Variants in ZBBX observed in about 807,000 individuals in gnomAD.
ZBBX encodes the protein zinc finger B-box domain containing.
Under a neutral mutation model 108.5 loss-of-function variants are expected in ZBBX, and 101 were observed. The observed-to-expected ratio is 0.93, with a 90% CI of 0.79 to 1.10. ZBBX has a LOEUF of 1.10. Ranked by LOEUF, ZBBX falls within the 50% of genes least tolerant of loss-of-function variation. The pLI, the probability that ZBBX is intolerant of heterozygous loss-of-function variation, is 0.00. For synonymous variants in ZBBX, 356 were observed against 323.4 expected (o/e 1.10, Z -1.08); for missense variants, 1,009 against 941.4 (o/e 1.07, Z -0.94).
chr3:167,282,892 G>GA (rs760238297), intron 19 of ZBBX, among the ~76,000 whole-genome samples: 17 of 151,872 alleles, frequency 1.1e-4, no homozygotes, highest in Non-Finnish European at 2.1e-4. Context: ...TACCTTGTAA[G>GA]AAAAAAAACC....
At chr3:167,259,318 T>C (rs1177861003) in intron 20 of ZBBX, among the ~76,000 whole-genome samples, 1 of 152,202 alleles carries the variant, frequency 6.6e-6, no homozygotes, top group East Asian at 1.9e-4. Context: ...AGTTGTAATA[T>C]CTCCTGTTTC....
intron 18 of ZBBX, among the ~76,000 whole-genome samples, chr3:167,293,303 A>G (rs956946242): frequency 7.2e-5 from 11 of 152,170 alleles, no homozygotes; most frequent in Admixed American, 5.2e-4. Flanking sequence ...AATCCTCAAT[A>G]ATACTGGCAA....
rs115479468 is a variant in ZBBX at position 167,266,881 on chromosome 3, C to T, written c.2254+15357G>A. On this transcript the variant is annotated intron_variant, in intron 20 of 21. Transcript: ENST00000675490. ...TCCGGTCCTTTCCCGTGAGAAGGCACGCCCCGCCACCTCATTGCAGTGGCT... is the reference window on the plus strand; with the variant it reads ...TCCGGTCCTTTCCCGTGAGAAGGCATGCCCCGCCACCTCATTGCAGTGGCT... Among the ~76,000 whole-genome samples, 1,393 of 152,214 alleles carry T rather than the reference C, an allele frequency of 9.2e-3. 30 individuals are homozygous for T. Among genetic ancestry groups the T allele is most frequent in the African/African-American group, 0.032 (1,311 of 41,522 alleles).
At chr3:167,272,268 A>G (rs1029507637) in intron 20 of ZBBX, among the ~76,000 whole-genome samples, 24 of 152,296 alleles carry the variant, frequency 1.6e-4, no homozygotes, top group Admixed American at 4.6e-4. Flanking sequence ...CAAAAGATCA[A>G]TTCCTCAGGA....
At chr3:167,383,773 C>T (rs1243465679), upstream of ZBBX, among the ~76,000 whole-genome samples, 1 of 152,060 alleles carries the variant, frequency 6.6e-6, no homozygotes, top group Non-Finnish European at 1.5e-5. Context: ...AACATTTATT[C>T]AACACCTGTT....
chr3:167,194,229 A>AAT, the ZBBX span, among the ~76,000 whole-genome samples: 9,857 of 139,710 alleles, frequency 0.071, 422 homozygotes, highest in Middle Eastern at 0.099. Context: ...ATATGTACTA[A>AAT]ATATATATAT....
At chr3:167,236,502 G>A (rs1720236703), downstream of ZBBX, among the ~76,000 whole-genome samples, 1 of 151,760 alleles carries the variant, frequency 6.6e-6, no homozygotes, top group African/African-American at 2.4e-5. Context: ...TTTGAGCTAA[G>A]GAAAGTCAGT....
chr3:167,194,669 T>C, the ZBBX span, among the ~76,000 whole-genome samples: 1 of 152,172 alleles, frequency 6.6e-6, no homozygotes, highest in South Asian at 2.1e-4. Context: ...ACTTGTTTGG[T>C]TTCCACTGTC....
At chr3:167,236,975 G>C (rs907011272), downstream of ZBBX, among the ~76,000 whole-genome samples, 2 of 151,816 alleles carry the variant, frequency 1.3e-5, no homozygotes, top group Non-Finnish European at 2.9e-5. Flanking sequence ...TGAGACTTAA[G>C]AGATGAGAAA....
intron 15 of ZBBX, 33 bp downstream of exon 15, chr3:167,315,717 A>T: frequency 6.7e-7 from 1 of 1,488,346 alleles, no homozygotes; most frequent in Non-Finnish European, 9.3e-7. Context: ...AGGGGGCTCA[A>T]TATGCACACA....
intron 20 of ZBBX, among the ~76,000 whole-genome samples, chr3:167,273,446 T>C (rs1476797441): frequency 6.6e-6 from 1 of 152,160 alleles, no homozygotes; most frequent in Non-Finnish European, 1.5e-5. Flanking sequence ...CTCTCTGCTA[T>C]ATCCCAAAGT....
At chr3:167,206,782 T>C in the ZBBX span, among the ~76,000 whole-genome samples, 2 of 152,040 alleles carry the variant, frequency 1.3e-5, no homozygotes, top group African/African-American at 4.8e-5. Context: ...TGGCATAAAA[T>C]TAAACACATA....
At position 167,328,111 on chromosome 3, in the gene ZBBX, T is replaced by A; in HGVS notation, c.693A>T (p.Glu231Asp). Reference sequence around the variant, plus strand: ...GTTGTGCTCTTTTCATCGTTGTAATTTCTACCTAATTAAAAGGATACATAG... The same window carrying A: ...GTTGTGCTCTTTTCATCGTTGTAATATCTACCTAATTAAAAGGATACATAG... ...VLLQRSSSEV[E>D]ITTMKRAQRT... is the part of the protein sequence containing the mutation. The change falls in exon 11 of 22, where the codon GAA becomes GAT. Residue 231 changes from glutamate (E) to aspartate (D), a missense_variant. By Grantham distance (45) the Glu-to-Asp change is conservative. Coordinates refer to ENST00000675490, the MANE Select transcript of ZBBX (RefSeq NM_001199201.2). 1 of 1,608,826 alleles carries A rather than the reference T, an allele frequency of 6.2e-7. No homozygotes were observed. Among genetic ancestry groups the A allele is most frequent in the Non-Finnish European group, 8.5e-7 (1 of 1,178,598 alleles).
intron 6 of ZBBX, among the ~76,000 whole-genome samples, chr3:167,365,171 A>G (rs1449807343): frequency 2.0e-5 from 3 of 151,774 alleles, no homozygotes; most frequent in Non-Finnish European, 4.4e-5. Flanking sequence ...CAAAGCCAAA[A>G]ACTTTAGAAG....
intron 8 of ZBBX, among the ~76,000 whole-genome samples, 162 bp downstream of exon 8, chr3:167,359,708 A>G (rs1273376006): frequency 6.6e-6 from 1 of 152,178 alleles, no homozygotes; most frequent in Non-Finnish European, 1.5e-5. Context: ...TGTCCCCAGC[A>G]GCATGCATGC....
chr3:167,350,811 T>C (rs1158324651), intron 8 of ZBBX, among the ~76,000 whole-genome samples: 1 of 152,110 alleles, frequency 6.6e-6, no homozygotes, highest in Non-Finnish European at 1.5e-5. Flanking sequence ...TGCATGGATG[T>C]ATGCATAGTT....
intron 20 of ZBBX, among the ~76,000 whole-genome samples, chr3:167,272,898 T>A (rs551490666): frequency 2.6e-5 from 4 of 152,178 alleles, no homozygotes; most frequent in Non-Finnish European, 4.4e-5. Flanking sequence ...TAAAACCATA[T>A]ATTCGTTTTA....
upstream of ZBBX, among the ~76,000 whole-genome samples, chr3:167,382,479 G>A (rs1288184683): frequency 6.6e-6 from 1 of 152,096 alleles, no homozygotes; most frequent in Non-Finnish European, 1.5e-5. Flanking sequence ...GCTTCTTTGT[G>A]CCACAGTGGA....
intron 1 of ZBBX, chr3:167,399,468 A>C (rs1321385853): frequency 6.6e-6 from 1 of 152,112 alleles, no homozygotes; most frequent in Non-Finnish European, 1.5e-5. Flanking sequence ...AACATAATTA[A>C]AATTAACATA....
Sources: allele counts gnomAD v4.1 joint callset (sites outside exome capture counted in the v4.1 genomes callset), GRCh38; gene constraint gnomAD v4.1.1; transcripts MANE v1.5; gene names NCBI Gene and HGNC (gene_info 2026-07-23, HGNC 2026-07-21).